The following EMID1 variants were observed in gnomAD, a reference collection of about 807,000 sequenced individuals.
The protein encoded by EMID1 is EMI domain containing 1.
In EMID1, 40 loss-of-function variants were observed where a neutral mutation model predicts 60.6. The observed-to-expected ratio is 0.66, with a 90% CI of 0.51 to 0.86. The LOEUF (loss-of-function observed/expected upper bound fraction) is 0.86, where lower values mean the gene tolerates loss of function less well. Ranked by LOEUF, EMID1 falls within the 40% of genes least tolerant of loss-of-function variation. The pLI is 0.00. For missense variants in EMID1, 585 were observed against 597.1 expected, an observed-to-expected ratio of 0.98 and a Z score of 0.21; for synonymous variants, 242 against 231.0, an observed-to-expected ratio of 1.05 and a Z score of -0.43.
At chr22:29,222,592 CA>C (rs1331263796) in intron 3 of EMID1, among the ~76,000 whole-genome samples, 1 of 151,780 alleles carries the variant, frequency 6.6e-6, no homozygotes, top group Non-Finnish European at 1.5e-5. Context: ...TTAGTAGAGA[CA>C]GGGTTTTGCC....
rs1056423938 is a variant in EMID1 at position 29,259,001 on chromosome 22, G to C, written c.*57G>C. 1.3e-6 allele frequency: 2 copies of C among 1,570,882 alleles called. No homozygotes were observed. The highest frequency in any genetic ancestry group is 4.7e-5 in the East Asian group (2 of 42,610). On this transcript the variant is annotated 3_prime_UTR_variant, in exon 15 of 15. Transcript: ENST00000334018. ...CAGGCTTCCCCTCCTACCTGGACTC[G>C]GCCAGCTGCCTCCAGGGACCGCCCG...
chr22:29,207,256 G>T (rs1396387343), intron 1 of EMID1, among the ~76,000 whole-genome samples: 1 of 152,234 alleles, frequency 6.6e-6, no homozygotes, highest in Non-Finnish European at 1.5e-5. Context: ...TGAGACAGGG[G>T]TGGACGTGTG....
At chr22:29,231,820 G>A in intron 7 of EMID1, 138 bp downstream of exon 7, 1 of 827,312 alleles carries the variant, frequency 1.2e-6, no homozygotes, top group Non-Finnish European at 1.8e-6. Flanking sequence ...CCACCACGGA[G>A]TGCCCTGCCC....
At position 29,226,402 on chromosome 22, in the gene EMID1, T is replaced by C. The variant is rs1364914828; in HGVS notation, c.404-88T>C. The C allele has an allele frequency of 2.8e-6, 4 of 1,447,898 alleles. No homozygotes were observed. In the African/African-American group the frequency reaches 5.7e-5, roughly 21 times the overall value. 89.7% of individuals were successfully genotyped at this position (1,447,898 alleles called of 1,614,324 possible). On this transcript the variant is annotated intron_variant, in intron 4 of 14. Coordinates refer to ENST00000334018, the MANE Select transcript of EMID1 (RefSeq NM_133455.4). ...TGGGGTCATCAGGTATCTGACGCTT[T>C]CCTCCATCCCAACCCCCAGAGACTG...
intron 7 of EMID1, chr22:29,232,054 A>G (rs1261072093): frequency 6.5e-6 from 4 of 618,942 alleles, no homozygotes. Context: ...GGGAGCCCCA[A>G]GGAAGGAAGA....
chr22:29,230,113 A>C (rs1230457229), intron 5 of EMID1, among the ~76,000 whole-genome samples: 1 of 152,106 alleles, frequency 6.6e-6, no homozygotes, highest in Non-Finnish European at 1.5e-5. Context: ...TAAGCAGATC[A>C]CTTCAGGTCA....
At chr22:29,233,719 A>G in intron 10 of EMID1, 53 bp downstream of exon 10, 2 of 1,533,698 alleles carry the variant, frequency 1.3e-6, no homozygotes, top group Middle Eastern at 1.7e-4. Context: ...CTTTCCATCT[A>G]TGCATACATC....
intron 13 of EMID1, among the ~76,000 whole-genome samples, chr22:29,243,842 C>A (rs1245921816): frequency 6.6e-6 from 1 of 152,188 alleles, no homozygotes; most frequent in Non-Finnish European, 1.5e-5. Context: ...CTCCATAGCC[C>A]CCTCCCAGCC....
At chr22:29,237,245 T>C (rs12158292) in intron 12 of EMID1, among the ~76,000 whole-genome samples, 72,040 of 142,106 alleles carry the variant, frequency 0.51, 22,597 homozygotes, top group Middle Eastern at 0.61. Context: ...TGCAGTGGTG[T>C]GATCTCTGCT....
At chr22:29,217,987 C>T (rs1052762899) in intron 3 of EMID1, among the ~76,000 whole-genome samples, 1 of 152,210 alleles carries the variant, frequency 6.6e-6, no homozygotes, top group African/African-American at 2.4e-5. Flanking sequence ...GGAGAGGGAA[C>T]ACCTGCCATT....
At chr22:29,255,339 C>A in intron 14 of EMID1, 1 of 1,516,990 alleles carries the variant, frequency 6.6e-7, no homozygotes, top group South Asian at 1.3e-5. Context: ...GGGTCACCCT[C>A]CTGGAAGCCA....
intron 12 of EMID1, among the ~76,000 whole-genome samples, chr22:29,240,803 C>T (rs975929741): frequency 6.6e-6 from 1 of 152,228 alleles, no homozygotes; most frequent in Non-Finnish European, 1.5e-5. Context: ...AGCCTCCATA[C>T]TTGTGTTGGC....
chr22:29,236,456 G>A (rs2040951434), intron 12 of EMID1, among the ~76,000 whole-genome samples: 1 of 152,066 alleles, frequency 6.6e-6, no homozygotes, highest in Non-Finnish European at 1.5e-5. Flanking sequence ...TTTGGGAGGT[G>A]GAGGCAGGGG....
At position 29,214,977 on chromosome 22, in the gene EMID1, T is replaced by C. The variant is rs1477705594; in HGVS notation, c.153T>C (p.Asn51=). 4 of 1,553,912 alleles carry C rather than the reference T, an allele frequency of 2.6e-6. No homozygotes were observed. The Admixed American group carries it at 5.8e-5, about 23-fold the overall frequency. ...VTRTISCHVQ[N]GTYLQRVLQN... ...GCACCATCTCATGCCATGTGCAGAA[T>C]GGCACCTACCTTCAGCGAGTGCTGC... The change falls in exon 2 of 15, where the codon AAT becomes AAC. Residue 51 remains asparagine (N), a synonymous_variant. Coordinates refer to ENST00000334018, the MANE Select transcript of EMID1 (RefSeq NM_133455.4).
At chr22:29,245,560 C>A (rs537749507) in intron 13 of EMID1, among the ~76,000 whole-genome samples, 1 of 152,216 alleles carries the variant, frequency 6.6e-6, no homozygotes, top group Non-Finnish European at 1.5e-5. Flanking sequence ...CTGGGGGCTG[C>A]ATGAAGCTTT....
chr22:29,256,447 G>A (rs1475536176), intron 14 of EMID1, among the ~76,000 whole-genome samples: 1 of 140,934 alleles, frequency 7.1e-6, no homozygotes, highest in Non-Finnish European at 1.5e-5. Flanking sequence ...CTGGGTGACA[G>A]AGCGAGACTC....
chr22:29,216,701 G>A (rs2040095779), intron 3 of EMID1: 1 of 974,340 alleles, frequency 1.0e-6, no homozygotes, highest in African/African-American at 1.8e-5. Context: ...TCACAGATAG[G>A]GTGACTGAGG....
At chr22:29,211,859 AC>A (rs1181078327) in intron 1 of EMID1, among the ~76,000 whole-genome samples, 1 of 152,094 alleles carries the variant, frequency 6.6e-6, no homozygotes, top group African/African-American at 2.4e-5. Flanking sequence ...GAGCCTCTGA[AC>A]CCCCTTAACC....
chr22:29,252,182 C>T (rs1157381401), intron 13 of EMID1, among the ~76,000 whole-genome samples: 1 of 152,172 alleles, frequency 6.6e-6, no homozygotes, highest in African/African-American at 2.4e-5. Context: ...CTCGTGGTGA[C>T]CCTGGGACCC....
Sources: gnomAD v4.1 joint callset for allele counts (sites outside exome capture counted in the v4.1 genomes callset) on GRCh38, gnomAD v4.1.1 for gene constraint, MANE v1.5 for transcripts, NCBI Gene and HGNC (gene_info 2026-07-23, HGNC 2026-07-21) for gene names.